The following ANKRD33B variants were observed in gnomAD, a reference collection of about 807,000 sequenced individuals.
The protein encoded by ANKRD33B is ankyrin repeat domain 33B, also known as ankyrin repeat domain-containing protein 33B.
Under a neutral mutation model 21.5 loss-of-function variants are expected in ANKRD33B, and 6 were observed. The observed-to-expected ratio is 0.28, with a 90% CI of 0.15 to 0.55. The LOEUF is 0.55. ANKRD33B is among the 20% of genes least tolerant of loss of function. The pLI is 0.94. For missense variants in ANKRD33B, 698 were observed against 747.2 expected (o/e 0.93, Z 0.77); for synonymous variants, 347 against 342.4 (o/e 1.01, Z -0.15).
intron 1 of ANKRD33B, among the ~76,000 whole-genome samples, chr5:10,610,979 G>A (rs1381754349): frequency 6.6e-6 from 1 of 152,208 alleles, no homozygotes; most frequent in East Asian, 1.9e-4. Flanking sequence ...GGGGGGCGGA[G>A]GTTGCGGTAA....
chr5:10,648,213 G>A (rs1336245955), intron 3 of ANKRD33B, among the ~76,000 whole-genome samples: 4 of 152,172 alleles, frequency 2.6e-5, no homozygotes, highest in Non-Finnish European at 5.9e-5. Flanking sequence ...CCCACCATCG[G>A]TTAAAGGTAG....
chr5:10,641,881 G>A (rs997881782), intron 3 of ANKRD33B, among the ~76,000 whole-genome samples: 3 of 152,082 alleles, frequency 2.0e-5, no homozygotes, highest in African/African-American at 7.2e-5. Context: ...TTAAAAAAAC[G>A]AGATATCAGT....
chr5:10,645,910 G>A (rs934734140), intron 3 of ANKRD33B, among the ~76,000 whole-genome samples: 2 of 152,188 alleles, frequency 1.3e-5, no homozygotes, highest in African/African-American at 2.4e-5. Flanking sequence ...ATTTGGCCAC[G>A]TCTGTAGACA....
chr5:10,656,962 C>G lies in ANKRD33B; in HGVS notation c.*6849C>G, dbSNP rs572864413. 1.3e-5 allele frequency: 2 copies of G among 148,730 alleles called. No homozygotes were observed. The highest frequency in any genetic ancestry group is 4.2e-4 in the South Asian group (2 of 4,746). 9.2% of individuals were successfully genotyped at this position (148,730 alleles called of 1,614,324 possible). The stretch of plus-strand genomic sequence containing the variant: ...AGTTTTGTCATAATACTACACCCCT[C>G]TATTGTTTTTAAATAAGAAAAAAAA... On this transcript the variant is annotated 3_prime_UTR_variant, in exon 4 of 4. Transcript: ENST00000296657.
intron 1 of ANKRD33B, among the ~76,000 whole-genome samples, chr5:10,607,750 TG>T (rs1159240974): frequency 3.9e-5 from 6 of 152,236 alleles, no homozygotes; most frequent in Non-Finnish European, 7.3e-5. Flanking sequence ...TGAGGAATAC[TG>T]AAGTCTACTT....
At chr5:10,578,819 A>G (rs1284298925) in intron 1 of ANKRD33B, among the ~76,000 whole-genome samples, 2 of 152,300 alleles carry the variant, frequency 1.3e-5, no homozygotes, top group Admixed American at 6.5e-5. Context: ...TTTTAGAGAT[A>G]GTGACTTACA....
chr5:10,574,566 G>C (rs1735275055), intron 1 of ANKRD33B, among the ~76,000 whole-genome samples: 1 of 152,222 alleles, frequency 6.6e-6, no homozygotes, highest in East Asian at 1.9e-4. Context: ...AAAACTAAAG[G>C]AAAGAAATAA....
rs1207066408 is a variant in ANKRD33B, at chr5:10,619,907, A to C, written c.496+1445A>C. ...TGGTGCTGTGGGATGAGAACACTCT[A>C]TCTAGCCTGAAGTTCATGATAAGGT... On this transcript the variant is annotated intron_variant, in intron 2 of 3. Transcript: ENST00000296657. The surrounding 1 kb of genome is among the most constrained non-coding windows in gnomAD (Gnocchi z 4.5). 6.6e-6 allele frequency among the ~76,000 whole-genome samples: 1 copy of C among 152,168 alleles called. No homozygotes were observed. Among genetic ancestry groups the C allele is most frequent in the South Asian group, 2.1e-4 (1 of 4,830 alleles).
At chr5:10,629,189 C>A (rs561209503) in intron 2 of ANKRD33B, among the ~76,000 whole-genome samples, 2 of 152,206 alleles carry the variant, frequency 1.3e-5, no homozygotes, top group African/African-American at 4.8e-5. Context: ...TGAATGGGGG[C>A]AGAAGTGGGA....
intron 1 of ANKRD33B, among the ~76,000 whole-genome samples, chr5:10,594,729 A>G (rs545990521): frequency 1.3e-5 from 2 of 152,304 alleles, no homozygotes; most frequent in African/African-American, 4.8e-5. Context: ...GTAACAGGAA[A>G]GGAATTCACT....
intron 3 of ANKRD33B, among the ~76,000 whole-genome samples, chr5:10,648,112 T>G (rs1280178637): frequency 1.3e-5 from 2 of 152,226 alleles, no homozygotes; most frequent in Non-Finnish European, 2.9e-5. Flanking sequence ...GCCATTCTTT[T>G]TGCAACAAGC....
chr5:10,652,073 T>C lies in ANKRD33B; in HGVS notation c.*1960T>C, dbSNP rs1236757840. The C allele has an allele frequency of 6.6e-6, 1 of 152,220 alleles. No homozygotes were observed. The highest frequency in any genetic ancestry group is 2.4e-5 in the African/African-American group (1 of 41,320). 9.4% of individuals were successfully genotyped at this position (152,220 alleles called of 1,614,324 possible). A position where few individuals can be genotyped will look rare whatever the true frequency, so the allele number is the denominator to read the frequency against. ...TGGAGACTGTAACTGACACTGGTTATCTTTGGGGTTGTCTTTCCTGAATCC... is the reference window on the plus strand; with the variant it reads ...TGGAGACTGTAACTGACACTGGTTACCTTTGGGGTTGTCTTTCCTGAATCC... On this transcript the variant is annotated 3_prime_UTR_variant, in exon 4 of 4. Coordinates refer to ENST00000296657, the MANE Select transcript of ANKRD33B (RefSeq NM_001164440.2). The surrounding 1 kb of genome is among the most constrained non-coding windows in gnomAD (Gnocchi z 4.1).
chr5:10,638,198 G>A, intron 3 of ANKRD33B, 30 bp downstream of exon 3: 1 of 1,531,510 alleles, frequency 6.5e-7, no homozygotes. Flanking sequence ...GCAGCTTCCA[G>A]GGGCCCTGGG....
At chr5:10,578,792 C>G (rs1002509007) in intron 1 of ANKRD33B, among the ~76,000 whole-genome samples, 1 of 152,002 alleles carries the variant, frequency 6.6e-6, no homozygotes, top group Admixed American at 6.6e-5. Flanking sequence ...TTTGAAAAAC[C>G]CCAAACCTAT....
rs75664487 is a variant in ANKRD33B, at chr5:10,644,006, A to T, written c.638-5260A>T. ...CTTTGACAGTAGATGGGTAAGAATT[A>T]AAAAAAAAAAAAAAAGTGTTGAATT... is the stretch of plus-strand genomic sequence containing the variant. On this transcript the variant is annotated intron_variant, in intron 3 of 3. Transcript: ENST00000296657. 2.2e-4 allele frequency among the ~76,000 whole-genome samples: 9 copies of T among 41,060 alleles called. No individual in the cohort carries two copies. The East Asian group carries it at 2.9e-3, about 13-fold the overall frequency. The allele number at this position is 41,060 out of a possible 152,430, so 26.9% of individuals were successfully genotyped here.
intron 2 of ANKRD33B, among the ~76,000 whole-genome samples, chr5:10,623,670 T>C (rs566168380): frequency 6.6e-6 from 1 of 152,214 alleles, no homozygotes; most frequent in Non-Finnish European, 1.5e-5. Flanking sequence ...CTCAGCTCTC[T>C]TGGGAGCTGG....
At chr5:10,616,532 C>G (rs150246037) in intron 1 of ANKRD33B, among the ~76,000 whole-genome samples, 5,803 of 144,666 alleles carry the variant, frequency 0.04, 175 homozygotes, top group African/African-American at 0.084. Flanking sequence ...CCATTGCACT[C>G]TAGCCTGGGC....
rs150732164 is a variant in ANKRD33B, at chr5:10,626,800, G to A, written c.496+8338G>A. Among the ~76,000 whole-genome samples the A allele has an allele frequency of 3.2e-3, 494 of 152,262 alleles. 3 individuals carry two copies. Among genetic ancestry groups the A allele is most frequent in the Middle Eastern group, 0.017 (5 of 294 alleles). On this transcript the variant is annotated intron_variant, in intron 2 of 3. Coordinates refer to ENST00000296657, the MANE Select transcript of ANKRD33B (RefSeq NM_001164440.2). The stretch of plus-strand genomic sequence containing the variant: ...TTCCAGAAGGCTCCAGCAGAGTATC[G>A]TTGCCATCTCACCAACCAGGGTTGC...
rs1233318662 is a variant in ANKRD33B at position 10,651,310 on chromosome 5, G to A, written c.*1197G>A. 1.3e-5 allele frequency: 2 copies of A among 152,338 alleles called. No homozygotes were observed. Among genetic ancestry groups the A allele is most frequent in the Admixed American group, 1.3e-4 (2 of 15,274 alleles). 9.4% of individuals were successfully genotyped at this position (152,338 alleles called of 1,614,324 possible). A position where few individuals can be genotyped will look rare whatever the true frequency, so the allele number is the denominator to read the frequency against. ...GCCGACCTCTTAGAATTTCCAAGATGCAGGGCCTTGGGCAGGGCAGGGCAT... is the reference window on the plus strand; with the variant it reads ...GCCGACCTCTTAGAATTTCCAAGATACAGGGCCTTGGGCAGGGCAGGGCAT... On this transcript the variant is annotated 3_prime_UTR_variant, in exon 4 of 4. Transcript: ENST00000296657.
Sources: gnomAD v4.1 joint callset for allele counts (sites outside exome capture counted in the v4.1 genomes callset) on GRCh38, gnomAD v4.1.1 for gene constraint, Gnocchi (gnomAD v3.1) non-coding constraint, MANE v1.5 for transcripts, NCBI Gene and HGNC (gene_info 2026-07-23, HGNC 2026-07-21) for gene names.